The following ULK4 variants were observed in gnomAD, a reference collection of about 807,000 sequenced individuals.
The protein encoded by ULK4 is unc-51 like kinase 4, also known as inactive serine/threonine-protein kinase ULK4.
Under a neutral mutation model 160.6 loss-of-function variants are expected in ULK4, and 133 were observed. That is an observed-to-expected ratio of 0.83 (90% CI 0.72 to 0.96). The LOEUF (loss-of-function observed/expected upper bound fraction) is 0.96. Ranked by LOEUF, ULK4 falls within the 40% of genes least tolerant of loss-of-function variation. The pLI, the probability that ULK4 is intolerant of heterozygous loss-of-function variation, is 0.00. For synonymous variants in ULK4, 534 were observed against 539.8 expected (o/e 0.99, Z 0.15); for missense variants, 1,580 against 1,499.5 (o/e 1.05, Z -0.89).
intron 35 of ULK4, among the ~76,000 whole-genome samples, chr3:41,350,750 A>T (rs1422695394): frequency 6.6e-6 from 1 of 152,210 alleles, no homozygotes; most frequent in Non-Finnish European, 1.5e-5. Flanking sequence ...CTAACACAGG[A>T]GCAGGAGTAG....
chr3:41,740,382 C>T (rs773989770), intron 22 of ULK4, among the ~76,000 whole-genome samples: 2 of 151,794 alleles, frequency 1.3e-5, no homozygotes, highest in Non-Finnish European at 2.9e-5. Flanking sequence ...TTTCAGCTCA[C>T]GGCAAACCTA....
intron 12 of ULK4, among the ~76,000 whole-genome samples, chr3:41,907,182 G>A (rs559530883): frequency 2.6e-5 from 4 of 152,286 alleles, no homozygotes; most frequent in South Asian, 2.1e-4. Flanking sequence ...ATGGGGTGGC[G>A]GGGGCAGTGA....
intron 35 of ULK4, among the ~76,000 whole-genome samples, chr3:41,258,860 G>T (rs758738006): frequency 6.6e-6 from 1 of 151,590 alleles, no homozygotes; most frequent in Non-Finnish European, 1.5e-5. Flanking sequence ...TCAAAACATG[G>T]GGTCTTTAAA....
At chr3:41,523,363 A>T (rs577147041) in intron 32 of ULK4, among the ~76,000 whole-genome samples, 5 of 152,338 alleles carry the variant, frequency 3.3e-5, no homozygotes, top group Admixed American at 1.3e-4. Context: ...CATATGTTAC[A>T]GGGCATTCTG....
chr3:41,919,828 A>C lies in ULK4; in HGVS notation c.542-10T>G. ...GTATATACAGGAGATCCTAAAAGCA[A>C]AGTATGAAGAACAGCTCGGTTAGGC... On this transcript the variant is annotated splice_polypyrimidine_tract_variant and intron_variant, in intron 5 of 36. Transcript: ENST00000301831. 6.2e-7 allele frequency: 1 copy of C among 1,600,592 alleles called. No individual in the cohort carries two copies. The highest frequency in any genetic ancestry group is 8.6e-7 in the Non-Finnish European group (1 of 1,169,064).
At chr3:41,699,577 ACT>A (rs1173445552) in intron 27 of ULK4, among the ~76,000 whole-genome samples, 1 of 152,192 alleles carries the variant, frequency 6.6e-6, no homozygotes, top group Non-Finnish European at 1.5e-5. Context: ...GATGATTTCA[ACT>A]CTGAGGAGCT....
chr3:41,937,331 T>C (rs1301106099), intron 3 of ULK4: 2 of 694,546 alleles, frequency 2.9e-6, no homozygotes, highest in Non-Finnish European at 5.2e-6. Flanking sequence ...TAATCAACCA[T>C]AATCCTGTCC....
chr3:41,900,867 C>A (rs1698328073), intron 12 of ULK4, 38 bp from the exon 13 acceptor site: 1 of 1,480,792 alleles, frequency 6.8e-7, no homozygotes, highest in Non-Finnish European at 9.4e-7. Context: ...GTTTCTGCGA[C>A]TAATGTAGAT....
At chr3:41,626,791 G>T (rs967203099) in intron 30 of ULK4, among the ~76,000 whole-genome samples, 1 of 152,230 alleles carries the variant, frequency 6.6e-6, no homozygotes, top group South Asian at 2.1e-4. Context: ...CTCCCAAAGT[G>T]CTGGGATTAT....
At chr3:41,495,163 C>T (rs992878776) in intron 32 of ULK4, among the ~76,000 whole-genome samples, 19 of 152,194 alleles carry the variant, frequency 1.2e-4, no homozygotes, top group Non-Finnish European at 2.6e-4. Flanking sequence ...AGGCATCACA[C>T]TACCTGACTT....
chr3:41,442,772 A>G (rs999661300), intron 34 of ULK4, among the ~76,000 whole-genome samples: 27 of 152,146 alleles, frequency 1.8e-4, no homozygotes, highest in African/African-American at 6.0e-4. Context: ...ATTGTTGATT[A>G]TAAATGTGTA....
chr3:41,248,132 T>C (rs1450544147), intron 36 of ULK4, among the ~76,000 whole-genome samples: 3 of 152,200 alleles, frequency 2.0e-5, no homozygotes, highest in Non-Finnish European at 4.4e-5. Context: ...GTCCCTACTA[T>C]GAGGAGACCC....
intron 20 of ULK4, among the ~76,000 whole-genome samples, chr3:41,793,009 C>T (rs1467101332): frequency 6.6e-6 from 1 of 152,164 alleles, no homozygotes; most frequent in Non-Finnish European, 1.5e-5. Context: ...CACATCTCTA[C>T]TAAAAATACA....
chr3:41,732,355 A>T (rs561223737), intron 22 of ULK4, among the ~76,000 whole-genome samples: 1 of 152,324 alleles, frequency 6.6e-6, no homozygotes, highest in African/African-American at 2.4e-5. Flanking sequence ...AGGTATATTT[A>T]AAAATGCTCA....
intron 34 of ULK4, among the ~76,000 whole-genome samples, chr3:41,444,567 C>A (rs1045342396): frequency 6.6e-6 from 1 of 152,074 alleles, no homozygotes; most frequent in African/African-American, 2.4e-5. Context: ...TAATATCTAA[C>A]CTTGAGATTT....
chr3:41,918,683 A>G lies in ULK4; in HGVS notation c.644-143T>C, dbSNP rs529608509. ...GTGGCGCAATCTCGGCTCACTGCAC[A>G]CTCCGCCTCCTGGGTTCAGGCCACT... On this transcript the variant is annotated intron_variant, in intron 6 of 36. Transcript: ENST00000301831. 1,489 of 435,594 alleles carry G rather than the reference A, an allele frequency of 3.4e-3. 17 individuals carry two copies. The highest frequency in any genetic ancestry group is 0.026 in the African/African-American group (1,127 of 42,968). 27.0% of individuals were successfully genotyped at this position (435,594 alleles called of 1,614,324 possible). A position where few individuals can be genotyped will look rare whatever the true frequency, so the allele number is the denominator to read the frequency against.
At chr3:41,877,980 T>G (rs1040133543) in intron 17 of ULK4, among the ~76,000 whole-genome samples, 3 of 150,572 alleles carry the variant, frequency 2.0e-5, no homozygotes, top group African/African-American at 7.3e-5. Flanking sequence ...AAACTCTGTC[T>G]CAATAAAAAA....
At chr3:41,587,929 A>G (rs913038140) in intron 31 of ULK4, among the ~76,000 whole-genome samples, 4 of 152,194 alleles carry the variant, frequency 2.6e-5, no homozygotes, top group African/African-American at 9.6e-5. Flanking sequence ...TATTTTCTTT[A>G]TAACAGATGA....
intron 32 of ULK4, among the ~76,000 whole-genome samples, chr3:41,467,565 G>A (rs1274967187): frequency 6.6e-6 from 1 of 152,056 alleles, no homozygotes; most frequent in East Asian, 1.9e-4. Context: ...AATAGCCCAG[G>A]TGTCCATCAA....
Sources: gnomAD v4.1 joint callset for allele counts (sites outside exome capture counted in the v4.1 genomes callset) on GRCh38, gnomAD v4.1.1 for gene constraint, MANE v1.5 for transcripts, NCBI Gene and HGNC (gene_info 2026-07-23, HGNC 2026-07-21) for gene names.